Variants in BAZ2B observed in about 807,000 individuals in gnomAD.
BAZ2B encodes the protein bromodomain adjacent to zinc finger domain 2B.
A neutral mutation model predicts 246.0 loss-of-function variants in BAZ2B; 91 were observed. The observed-to-expected ratio is 0.37, with a 90% CI of 0.31 to 0.44. The LOEUF is 0.44. Among genes scored for constraint, BAZ2B ranks in the 20% least tolerant of loss-of-function variants. The probability of loss-of-function intolerance (pLI) is 1.00; values close to 1 mark genes in which losing one functional copy is unlikely to be tolerated. For synonymous variants in BAZ2B, 855 were observed against 860.0 expected, an observed-to-expected ratio of 0.99 and a Z score of 0.10; for missense variants, 2,332 against 2,533.7, an observed-to-expected ratio of 0.92 and a Z score of 1.71.
chr2:159,510,115 G>A (rs868298229), intron 2 of BAZ2B, among the ~76,000 whole-genome samples: 2 of 152,118 alleles, frequency 1.3e-5, no homozygotes, highest in African/African-American at 2.4e-5. Context: ...TTGCAGAGAT[G>A]GAAAGTAGAT....
At chr2:159,338,045 C>T (rs1287899895) in intron 31 of BAZ2B, among the ~76,000 whole-genome samples, 3 of 151,950 alleles carry the variant, frequency 2.0e-5, no homozygotes, top group African/African-American at 4.8e-5. Flanking sequence ...GATTTTAGAC[C>T]AAAATGCTTA....
At chr2:159,409,279 T>C (rs996943924) in intron 14 of BAZ2B, among the ~76,000 whole-genome samples, 2 of 152,182 alleles carry the variant, frequency 1.3e-5, no homozygotes, top group Admixed American at 1.3e-4. Context: ...CTCTTTTCTT[T>C]CTTAGTGTAC....
rs772593282 is a variant in BAZ2B at position 159,386,337 on chromosome 2, T to C, written c.3471+16A>G. 1 of 1,594,824 alleles carries C rather than the reference T, an allele frequency of 6.3e-7. No homozygotes were observed. Among genetic ancestry groups the C allele is most frequent in the East Asian group, 2.2e-5 (1 of 44,488 alleles). On this transcript the variant is annotated intron_variant, in intron 22 of 36. Coordinates refer to ENST00000392783, the MANE Select transcript of BAZ2B (RefSeq NM_013450.4). ...CAGTACAAATTTAAAACATTTTATA[T>C]TTTGTTTTTTTTTACCTTGTATCCT... is the stretch of plus-strand genomic sequence containing the variant.
the BAZ2B span, among the ~76,000 whole-genome samples, chr2:159,684,646 A>T: frequency 2.6e-5 from 4 of 152,174 alleles, no homozygotes; most frequent in Admixed American, 2.6e-4. Context: ...GGAAACAGGG[A>T]TCAGACCATA....
At chr2:159,428,212 T>C in intron 12 of BAZ2B, 99 bp downstream of exon 12, 1 of 1,165,700 alleles carries the variant, frequency 8.6e-7, no homozygotes. Context: ...GAATATTTAG[T>C]ATCAAGGAAC....
chr2:159,464,946 T>C (rs562568428), intron 3 of BAZ2B, among the ~76,000 whole-genome samples: 69 of 152,356 alleles, frequency 4.5e-4, no homozygotes, highest in African/African-American at 1.6e-3. Flanking sequence ...TTTCAATACA[T>C]AAGAAAGTCT....
chr2:159,534,260 GGT>G (rs1034500242), intron 2 of BAZ2B, among the ~76,000 whole-genome samples: 2 of 152,130 alleles, frequency 1.3e-5, no homozygotes, highest in African/African-American at 4.8e-5. Context: ...CGTGTTGTTA[GGT>G]GATTTTGTTG....
rs140976321 is a variant in BAZ2B, at chr2:159,330,678, C to T, written c.5943+1862G>A. ...GTTTGAGACCAGCCTGGGCACATAGCGAGAACCCATCTCTACAAAATTAAA... is the reference window on the plus strand; with the variant it reads ...GTTTGAGACCAGCCTGGGCACATAGTGAGAACCCATCTCTACAAAATTAAA... On this transcript the variant is annotated intron_variant, in intron 34 of 36. Coordinates refer to ENST00000392783, the MANE Select transcript of BAZ2B (RefSeq NM_013450.4). Among the ~76,000 whole-genome samples the T allele has an allele frequency of 3.8e-3, 560 of 149,106 alleles. 8 individuals carry two copies. The highest frequency in any genetic ancestry group is 0.013 in the African/African-American group (527 of 40,202).
chr2:159,460,814 T>C (rs1426920866), intron 3 of BAZ2B: 1 of 152,138 alleles, frequency 6.6e-6, no homozygotes, highest in Non-Finnish European at 1.5e-5. Context: ...ACTTGAACTT[T>C]GATTAAGAAC....
intron 2 of BAZ2B, among the ~76,000 whole-genome samples, chr2:159,525,582 T>A (rs1035869995): frequency 1.6e-5 from 2 of 126,072 alleles, no homozygotes; most frequent in African/African-American, 2.8e-5. Flanking sequence ...GTATCTCCCC[T>A]CCCCAAGATA....
At chr2:159,466,595 G>T (rs2077079112) in intron 3 of BAZ2B, among the ~76,000 whole-genome samples, 1 of 152,086 alleles carries the variant, frequency 6.6e-6, no homozygotes, top group African/African-American at 2.4e-5. Context: ...GTCTAATTAA[G>T]GTCTGTATTA....
the BAZ2B span, among the ~76,000 whole-genome samples, chr2:159,640,816 G>A: frequency 1.3e-5 from 2 of 149,596 alleles, no homozygotes; most frequent in African/African-American, 2.5e-5. Context: ...CATAAGACAG[G>A]ATGAAACATT....
the BAZ2B span, among the ~76,000 whole-genome samples, chr2:159,705,019 T>G: frequency 5.5e-5 from 8 of 146,136 alleles, no homozygotes; most frequent in Admixed American, 4.1e-4. Context: ...TTTGGTTTGT[T>G]TTTTTTTTTT....
At position 159,378,926 on chromosome 2, in the gene BAZ2B, G is replaced by T. The variant is rs548088160; in HGVS notation, c.4005+3633C>A. Reference sequence around the variant, plus strand: ...GATTGTAAAATAGTGTAACCACTATGGAAAACACTATAAAGGCTCCTCAAA... The same window carrying T: ...GATTGTAAAATAGTGTAACCACTATTGAAAACACTATAAAGGCTCCTCAAA... On this transcript the variant is annotated intron_variant, in intron 25 of 36. Coordinates refer to ENST00000392783, the MANE Select transcript of BAZ2B (RefSeq NM_013450.4). Among the ~76,000 whole-genome samples, 3 of 152,168 alleles carry T rather than the reference G, an allele frequency of 2.0e-5. No individual in the cohort carries two copies. The South Asian group carries it at 6.2e-4, about 32-fold the overall frequency.
chr2:159,462,294 T>C (rs2076502209), intron 3 of BAZ2B: 2 of 719,998 alleles, frequency 2.8e-6, no homozygotes, highest in Non-Finnish European at 4.7e-6. Flanking sequence ...TTGAAAGCTC[T>C]AGCAAAATAT....
In BAZ2B at chr2:159,447,993, T is replaced by C. The variant is rs1054176491; in HGVS notation, c.502+249A>G. Among the ~76,000 whole-genome samples the C allele has an allele frequency of 5.9e-5, 9 of 151,906 alleles. 1 individual carries two copies. The highest frequency in any genetic ancestry group is 1.0e-4 in the Non-Finnish European group (7 of 67,960). On this transcript the variant is annotated intron_variant, in intron 5 of 36. Transcript: ENST00000392783. ...TAAAATTTAAACACGTAGCTGGGCA[T>C]AGTGGTACATGACTGTAGTCCTTGG...
At chr2:159,510,035 A>G (rs2082755183) in intron 2 of BAZ2B, among the ~76,000 whole-genome samples, 1 of 152,196 alleles carries the variant, frequency 6.6e-6, no homozygotes, top group South Asian at 2.1e-4. Context: ...CTAAAGTGAG[A>G]TAAGCCCAAC....
intron 33 of BAZ2B, 146 bp from the exon 34 acceptor site, chr2:159,332,832 T>G: frequency 1.1e-6 from 1 of 900,364 alleles, no homozygotes; most frequent in Non-Finnish European, 1.7e-6. Context: ...CACATCTATG[T>G]ATCTTTCGTT....
chr2:159,608,496 AG>A, intron 1 of BAZ2B, among the ~76,000 whole-genome samples: 1 of 152,384 alleles, frequency 6.6e-6, no homozygotes, highest in Admixed American at 6.5e-5. Context: ...CCTGCATTTT[AG>A]TCAAAAACTA....
Sources: gnomAD v4.1 joint callset for allele counts (sites outside exome capture counted in the v4.1 genomes callset) on GRCh38, gnomAD v4.1.1 for gene constraint, MANE v1.5 for transcripts, NCBI Gene and HGNC (gene_info 2026-07-23, HGNC 2026-07-21) for gene names.